ST14: variants seen among roughly 807,000 people sequenced by gnomAD.
ST14 encodes suppressor of tumorigenicity 14 protein.
ST14 carries 40 observed loss-of-function variants against 96.5 expected under a neutral mutation model. That is an observed-to-expected ratio of 0.41 (90% CI 0.32 to 0.54). ST14 has a LOEUF of 0.54. ST14 is among the 20% of genes least tolerant of loss of function. The pLI, the probability that ST14 is intolerant of heterozygous loss-of-function variation, is 0.17. For synonymous variants in ST14, 506 were observed against 492.1 expected, an observed-to-expected ratio of 1.03 and a Z score of -0.37; for missense variants, 1,066 against 1,188.9, an observed-to-expected ratio of 0.90 and a Z score of 1.52.
At chr11:130,190,018 G>T in intron 5 of ST14, 95 bp from the exon 6 acceptor site, 2 of 1,610,468 alleles carry the variant, frequency 1.2e-6, no homozygotes, top group Non-Finnish European at 8.5e-7. Context: ...AGAAGACTAC[G>T]TGCTGGCCGG....
intron 9 of ST14, 80 bp from the exon 10 acceptor site, chr11:130,196,259 C>A: frequency 9.0e-7 from 1 of 1,113,324 alleles, no homozygotes; most frequent in Non-Finnish European, 1.3e-6. Flanking sequence ...CTGGTCCATG[C>A]CGCTGCCTCC....
At position 130,160,050 on chromosome 11, in the gene ST14, C is replaced by T; in HGVS notation, c.71C>T (p.Ser24Phe). 7.0e-7 allele frequency: 1 copy of T among 1,436,064 alleles called. No homozygotes were observed. Among genetic ancestry groups the T allele is most frequent in the Non-Finnish European group, 9.2e-7 (1 of 1,086,926 alleles). 89.0% of individuals were successfully genotyped at this position (1,436,064 alleles called of 1,614,324 possible). The change falls in exon 1 of 19, where the codon TCC becomes TTC. Residue 24 changes from serine to phenylalanine, a missense_variant. Coordinates refer to ENST00000278742, the MANE Select transcript of ST14 (RefSeq NM_021978.4). Reference protein sequence around the residue: ...KDFGAGLKYNSRHEKVNGLEE... With the variant: ...KDFGAGLKYNFRHEKVNGLEE... ...TTCGGCGCGGGACTCAAGTACAACTCCCGGCACGAGGTGAGCGCGGGCCGG... is the reference window on the plus strand; with the variant it reads ...TTCGGCGCGGGACTCAAGTACAACTTCCGGCACGAGGTGAGCGCGGGCCGG...
chr11:130,182,448 G>A (rs537479260), intron 1 of ST14, among the ~76,000 whole-genome samples: 70 of 151,422 alleles, frequency 4.6e-4, no homozygotes, highest in African/African-American at 1.6e-3. Flanking sequence ...TCAACCTCCC[G>A]AGTAGCCAGG....
chr11:130,205,144 T>C (rs970580389), intron 16 of ST14, among the ~76,000 whole-genome samples: 1 of 152,206 alleles, frequency 6.6e-6, no homozygotes, highest in Non-Finnish European at 1.5e-5. Context: ...ACTTTTTTTT[T>C]TGAGACAGAG....
intron 4 of ST14, 33 bp from the exon 5 acceptor site, chr11:130,189,706 G>A: frequency 6.2e-7 from 1 of 1,605,466 alleles, no homozygotes; most frequent in Non-Finnish European, 8.5e-7. Context: ...ATGGGGCCCA[G>A]AGCTCCGCCT....
chr11:130,196,970 CTT>C (rs1953373153), intron 11 of ST14, among the ~76,000 whole-genome samples: 1 of 152,134 alleles, frequency 6.6e-6, no homozygotes, highest in Non-Finnish European at 1.5e-5. Flanking sequence ...CTCATCTGAG[CTT>C]CCCCGGCCAT....
Position 130,192,611 on chromosome 11 carries a change from C to T in ST14, c.876-1538C>T, listed in dbSNP as rs574005718. Among the ~76,000 whole-genome samples, 23 of 152,270 alleles carry T rather than the reference C, an allele frequency of 1.5e-4. No homozygotes were observed. The East Asian group carries it at 4.1e-3, about 27-fold the overall frequency. ...TTTACCATGTTGGTCAGGCTGGTCT[C>T]GAACTCCTGACCTCAGGCAATCTGC... On this transcript the variant is annotated intron_variant, in intron 7 of 18. Transcript: ENST00000278742.
rs943933123 is a variant in ST14, at chr11:130,186,745, G to A, written c.82-1369G>A. ...TTGGGAGGATGGGGAGAGAAAGGGT[G>A]GAAGGACACTAAAATCCACATTGTC... On this transcript the variant is annotated intron_variant, in intron 1 of 18. Transcript: ENST00000278742. Among the ~76,000 whole-genome samples the A allele has an allele frequency of 2.0e-5, 3 of 152,092 alleles. No homozygotes were observed. In the East Asian group the frequency reaches 5.8e-4, roughly 29 times the overall value.
At chr11:130,170,922 A>C (rs1953086764) in intron 1 of ST14, among the ~76,000 whole-genome samples, 3 of 152,158 alleles carry the variant, frequency 2.0e-5, no homozygotes, top group Admixed American at 2.0e-4. Flanking sequence ...GGTATGATTG[A>C]TATGCAAAAA....
At chr11:130,190,755 A>G in intron 7 of ST14, 61 bp downstream of exon 7, 1 of 1,502,180 alleles carries the variant, frequency 6.7e-7, no homozygotes, top group Admixed American at 2.2e-5. Flanking sequence ...GTAGGGGGCC[A>G]GCTTCTTCAA....
chr11:130,202,685 T>C (rs673297), intron 16 of ST14, among the ~76,000 whole-genome samples: 113,407 of 152,134 alleles, frequency 0.75, 42,593 homozygotes, highest in Admixed American at 0.83. Flanking sequence ...ATGCATTCAT[T>C]GGGCACTGCC....
Position 130,209,950 on chromosome 11 carries a change from A to T in ST14, c.*127A>T, listed in dbSNP as rs1042375907. Reference sequence around the variant, plus strand: ...CCCCCAGAACATACACTGTGAACTCAATCTCCAGGGCTCCAAATCTGCCTA... The same window carrying T: ...CCCCCAGAACATACACTGTGAACTCTATCTCCAGGGCTCCAAATCTGCCTA... On this transcript the variant is annotated 3_prime_UTR_variant, in exon 19 of 19. Coordinates refer to ENST00000278742, the MANE Select transcript of ST14 (RefSeq NM_021978.4). The T allele has an allele frequency of 9.8e-5, 114 of 1,168,840 alleles. No individual in the cohort carries two copies. Among genetic ancestry groups the T allele is most frequent in the Non-Finnish European group, 1.3e-4 (111 of 833,216 alleles). 72.4% of individuals were successfully genotyped at this position (1,168,840 alleles called of 1,614,324 possible). A position where few individuals can be genotyped will look rare whatever the true frequency, so the allele number is the denominator to read the frequency against.
chr11:130,190,415 C>T, intron 6 of ST14, 39 bp from the exon 7 acceptor site: 1 of 1,603,650 alleles, frequency 6.2e-7, no homozygotes. Context: ...CTGCCCAGCC[C>T]TGCCCCCACA....
chr11:130,189,673 C>A lies in ST14; in HGVS notation c.441-66C>A, dbSNP rs973148581. The A allele has an allele frequency of 4.4e-6, 7 of 1,592,700 alleles. No individual in the cohort carries two copies. In the Admixed American group the frequency reaches 8.4e-5, roughly 19 times the overall value. ...CCGAGCCGCCCATGTGTCCTGGAGT[C>A]GCTCTGGGCGCACGTGGGGGAAATG... On this transcript the variant is annotated intron_variant, in intron 4 of 18. Transcript: ENST00000278742.
At chr11:130,197,991 C>T (rs1426253030) in intron 12 of ST14, 46 bp downstream of exon 12, 1 of 1,523,318 alleles carries the variant, frequency 6.6e-7, no homozygotes. Flanking sequence ...CCTTCCCCAC[C>T]CTGCCCGCGT....
rs148218165 is a variant in ST14 at position 130,191,214 on chromosome 11, C to T, written c.875+520C>T. Among the ~76,000 whole-genome samples the T allele has an allele frequency of 2.0e-3, 302 of 152,072 alleles. 2 individuals carry two copies. The highest frequency in any genetic ancestry group is 4.0e-3 in the African/African-American group (164 of 41,468). On this transcript the variant is annotated intron_variant, in intron 7 of 18. Coordinates refer to ENST00000278742, the MANE Select transcript of ST14 (RefSeq NM_021978.4). Reference sequence around the variant, plus strand: ...TAAAAAGCTTAGCTGGGTGTGGTGGCGCATGCCTACTCAGGAGGCTGATGC... The same window carrying T: ...TAAAAAGCTTAGCTGGGTGTGGTGGTGCATGCCTACTCAGGAGGCTGATGC...
chr11:130,169,863 G>T (rs937269721), intron 1 of ST14, among the ~76,000 whole-genome samples: 1 of 152,202 alleles, frequency 6.6e-6, no homozygotes, highest in African/African-American at 2.4e-5. Context: ...CTAGGTGCTG[G>T]CTGCACCTCT....
intron 11 of ST14, among the ~76,000 whole-genome samples, chr11:130,197,595 A>G (rs535237099): frequency 1.3e-5 from 2 of 152,260 alleles, no homozygotes; most frequent in African/African-American, 4.8e-5. Flanking sequence ...TTCGATCCTC[A>G]GTGGTGGGGA....
chr11:130,162,272 A>T (rs1450953085), intron 1 of ST14, among the ~76,000 whole-genome samples: 1 of 152,144 alleles, frequency 6.6e-6, no homozygotes, highest in Non-Finnish European at 1.5e-5. Flanking sequence ...GTCCTGATGC[A>T]CGTTACTGCA....
Sources: gnomAD v4.1 joint callset for allele counts (sites outside exome capture counted in the v4.1 genomes callset) on GRCh38, gnomAD v4.1.1 for gene constraint, MANE v1.5 for transcripts, NCBI Gene and HGNC (gene_info 2026-07-23, HGNC 2026-07-21) for gene names.